The following FRMD4B variants were observed in gnomAD, a reference collection of about 807,000 sequenced individuals.
FRMD4B encodes the protein FERM domain containing 4B.
A neutral mutation model predicts 141.5 loss-of-function variants in FRMD4B; 74 were observed. The ratio of observed to expected loss-of-function variants is 0.52; its 90% CI spans 0.43 to 0.63. The LOEUF is 0.63. Ranked by LOEUF, FRMD4B falls within the 30% of genes least tolerant of loss-of-function variation. The pLI, the probability that FRMD4B is intolerant of heterozygous loss-of-function variation, is 0.00. For missense variants in FRMD4B, 1,366 were observed against 1,253.4 expected, an observed-to-expected ratio of 1.09 and a Z score of -1.36; for synonymous variants, 506 against 467.9, an observed-to-expected ratio of 1.08 and a Z score of -1.05.
chr3:69,283,347 G>T (rs2093652696), intron 5 of FRMD4B, among the ~76,000 whole-genome samples: 1 of 150,166 alleles, frequency 6.7e-6, no homozygotes, highest in African/African-American at 2.5e-5. Context: ...TTGCACCATT[G>T]CACTCCAGCC....
At chr3:69,239,687 G>A (rs1308654114) in intron 7 of FRMD4B, among the ~76,000 whole-genome samples, 1 of 152,114 alleles carries the variant, frequency 6.6e-6, no homozygotes, top group Non-Finnish European at 1.5e-5. Context: ...ACTGCGGGAG[G>A]AGTGAATAGG....
chr3:69,461,335 G>T (rs1470309474), intron 1 of FRMD4B, among the ~76,000 whole-genome samples: 1 of 152,130 alleles, frequency 6.6e-6, no homozygotes, highest in Non-Finnish European at 1.5e-5. Context: ...GGTGGGCCGA[G>T]ATTGCTTGAA....
At chr3:69,319,920 T>A (rs960367305) in intron 1 of FRMD4B, among the ~76,000 whole-genome samples, 1 of 152,130 alleles carries the variant, frequency 6.6e-6, no homozygotes, top group African/African-American at 2.4e-5. Flanking sequence ...AAACAAAGAA[T>A]CATGAAGCAG....
intron 7 of FRMD4B, among the ~76,000 whole-genome samples, chr3:69,247,254 C>G (rs933868784): frequency 5.9e-5 from 9 of 152,104 alleles, no homozygotes. Context: ...GAAACTGAGG[C>G]TCAGAGGGTG....
chr3:69,227,834 AAC>A (rs2093269240), intron 7 of FRMD4B, among the ~76,000 whole-genome samples: 1 of 152,146 alleles, frequency 6.6e-6, no homozygotes, highest in African/African-American at 2.4e-5. Flanking sequence ...ACAAAGAGTG[AAC>A]CCTAATTTGA....
rs764755686 is a variant in FRMD4B, at chr3:69,181,068, T to G, written c.2682A>C (p.Leu894Phe). 14 of 1,613,860 alleles carry G rather than the reference T, an allele frequency of 8.7e-6. No individual in the cohort carries two copies. Among genetic ancestry groups the G allele is most frequent in the Non-Finnish European group, 1.2e-5 (14 of 1,179,896 alleles). The change falls in exon 21 of 23, where the codon TTA becomes TTC. Residue 894 changes from leucine (L) to phenylalanine (F), a missense_variant. Coordinates refer to ENST00000398540, the MANE Select transcript of FRMD4B (RefSeq NM_015123.3). Reference sequence around the variant, plus strand: ...ACCAGCCACGCAAGTGCTCGGCAACTAAGGCCTTGTGGATGTTTTTGGTGA... The same window carrying G: ...ACCAGCCACGCAAGTGCTCGGCAACGAAGGCCTTGTGGATGTTTTTGGTGA... ...EHITKNIHKA[L>F]VAEHLRGWYQ... is the part of the protein sequence containing the mutation.
At chr3:69,344,266 T>G (rs1010268504) in intron 1 of FRMD4B, among the ~76,000 whole-genome samples, 2 of 152,156 alleles carry the variant, frequency 1.3e-5, no homozygotes, top group Non-Finnish European at 2.9e-5. Context: ...TACAGGCATC[T>G]GGGCCATTTT....
chr3:69,200,086 C>T (rs186575245), intron 11 of FRMD4B, among the ~76,000 whole-genome samples: 3 of 152,306 alleles, frequency 2.0e-5, no homozygotes, highest in Non-Finnish European at 4.4e-5. Flanking sequence ...ATAAGCACTT[C>T]TCTGCAATGC....
chr3:69,272,970 A>G (rs567388779), intron 5 of FRMD4B, among the ~76,000 whole-genome samples: 2 of 152,356 alleles, frequency 1.3e-5, no homozygotes, highest in African/African-American at 4.8e-5. Flanking sequence ...CTTCTCAGAA[A>G]CAGTCACATT....
At chr3:69,431,808 GGA>G (rs1705184571) in intron 2 of FRMD4B, among the ~76,000 whole-genome samples, 1 of 152,172 alleles carries the variant, frequency 6.6e-6, no homozygotes, top group African/African-American at 2.4e-5. Flanking sequence ...TTTCATCAAA[GGA>G]AGCATTTTGA....
intron 1 of FRMD4B, among the ~76,000 whole-genome samples, chr3:69,511,442 G>A (rs971267876): frequency 3.9e-5 from 6 of 152,126 alleles, no homozygotes; most frequent in Non-Finnish European, 8.8e-5. Context: ...GAAGCAGCAA[G>A]AAGAATACCA....
At chr3:69,399,898 T>C (rs1239904614) in intron 2 of FRMD4B, among the ~76,000 whole-genome samples, 2 of 152,188 alleles carry the variant, frequency 1.3e-5, no homozygotes, top group East Asian at 3.8e-4. Context: ...ATATTGTCAT[T>C]GCTTAGTATT....
chr3:69,401,273 C>T (rs577589915), intron 2 of FRMD4B, among the ~76,000 whole-genome samples: 1 of 152,160 alleles, frequency 6.6e-6, no homozygotes, highest in African/African-American at 2.4e-5. Context: ...GGAGGAAGAC[C>T]CTCTTCAACT....
rs1705287053 is a variant in FRMD4B at position 69,437,952 on chromosome 3, AAT to A, written c.-128-5193_-128-5192del. On this transcript the variant is annotated intron_variant, in intron 1 of 5. Transcript: ENST00000459638. ...TTATATATACTATATAACATATACT[AAT>A]ATAATACTACATAAATATATACTAT... Among the ~76,000 whole-genome samples the A allele has an allele frequency of 2.1e-5, 3 of 140,046 alleles. No homozygotes were observed. In the South Asian group the frequency reaches 6.4e-4, roughly 30 times the overall value. The allele number at this position is 140,046 out of a possible 152,430, so 91.9% of individuals were successfully genotyped here. A position where few individuals can be genotyped will look rare whatever the true frequency, so the allele number is the denominator to read the frequency against.
chr3:69,508,846 C>A (rs543020774), intron 1 of FRMD4B, among the ~76,000 whole-genome samples: 1 of 152,270 alleles, frequency 6.6e-6, no homozygotes, highest in African/African-American at 2.4e-5. Context: ...CTTACAACCA[C>A]CTACAAGGTG....
rs549606869 is a variant in FRMD4B at position 69,172,626 on chromosome 3, G to A, written c.2985-645C>T. 4.6e-5 allele frequency among the ~76,000 whole-genome samples: 7 copies of A among 152,238 alleles called. No homozygotes were observed. The South Asian group carries it at 1.5e-3, about 32-fold the overall frequency. On this transcript the variant is annotated intron_variant, in intron 22 of 22. Transcript: ENST00000398540. The stretch of plus-strand genomic sequence containing the variant: ...AAATAATATATTTAGAAGGTGGCAG[G>A]GGCACATAGGGACATATATGATATC...
intron 21 of FRMD4B, among the ~76,000 whole-genome samples, chr3:69,177,978 G>A (rs1384821327): frequency 1.3e-5 from 2 of 152,198 alleles, no homozygotes; most frequent in South Asian, 2.1e-4. Context: ...AATTCAGGAA[G>A]AAGGGATTTA....
chr3:69,470,316 G>A (rs1160946493), intron 1 of FRMD4B, among the ~76,000 whole-genome samples: 1 of 152,092 alleles, frequency 6.6e-6, no homozygotes, highest in African/African-American at 2.4e-5. Flanking sequence ...ATACTAAAAC[G>A]TTTGGTTTGT....
chr3:69,280,727 C>A (rs991708121), intron 5 of FRMD4B, among the ~76,000 whole-genome samples: 1 of 151,640 alleles, frequency 6.6e-6, no homozygotes, highest in Non-Finnish European at 1.5e-5. Flanking sequence ...CTCAAGCGAT[C>A]CTCCCACCTC....
Sources: gnomAD v4.1 joint callset for allele counts (sites outside exome capture counted in the v4.1 genomes callset) on GRCh38, gnomAD v4.1.1 for gene constraint, MANE v1.5 for transcripts, NCBI Gene and HGNC (gene_info 2026-07-23, HGNC 2026-07-21) for gene names.